CNTN4: variants seen among roughly 807,000 people sequenced by gnomAD.
The protein encoded by CNTN4 is contactin-4.
Under a neutral mutation model 122.5 loss-of-function variants are expected in CNTN4, and 77 were observed. That is an observed-to-expected ratio of 0.63 (90% CI 0.52 to 0.76). CNTN4 has a LOEUF of 0.76. CNTN4 is among the 30% of genes least tolerant of loss of function. The pLI is 0.00. For synonymous variants in CNTN4, 512 were observed against 447.0 expected, an observed-to-expected ratio of 1.15 and a Z score of -1.83; for missense variants, 1,256 against 1,259.1, an observed-to-expected ratio of 1.00 and a Z score of 0.04.
intron 2 of CNTN4, among the ~76,000 whole-genome samples, chr3:2,199,492 A>G (rs995584693): frequency 7.9e-5 from 12 of 152,110 alleles, no homozygotes; most frequent in Non-Finnish European, 1.5e-4. Flanking sequence ...GCAGTATAAT[A>G]GAATGAAACA....
chr3:2,442,981 T>G (rs533156091), intron 3 of CNTN4, among the ~76,000 whole-genome samples: 1 of 152,080 alleles, frequency 6.6e-6, no homozygotes, highest in African/African-American at 2.4e-5. Context: ...AGTAGCTTAT[T>G]TATGAAAAAT....
chr3:2,412,174 A>G (rs1355426477), intron 3 of CNTN4, among the ~76,000 whole-genome samples: 2 of 152,010 alleles, frequency 1.3e-5, no homozygotes, highest in African/African-American at 2.4e-5. Context: ...ATTGCTGTAT[A>G]TTATGTCATT....
intron 7 of CNTN4, among the ~76,000 whole-genome samples, chr3:2,830,429 A>G (rs2093079800): frequency 6.6e-6 from 1 of 152,236 alleles, no homozygotes; most frequent in Non-Finnish European, 1.5e-5. Context: ...CATAAGGCTA[A>G]ATGATCTACA....
chr3:2,112,732 A>G (rs1422977090), intron 2 of CNTN4, among the ~76,000 whole-genome samples: 1 of 152,224 alleles, frequency 6.6e-6, no homozygotes, highest in Non-Finnish European at 1.5e-5. Flanking sequence ...TTTCTAACAC[A>G]TACAATGAGA....
intron 2 of CNTN4, among the ~76,000 whole-genome samples, chr3:2,178,271 T>G (rs960891676): frequency 2.6e-5 from 4 of 152,076 alleles, no homozygotes; most frequent in Non-Finnish European, 5.9e-5. Flanking sequence ...ATACTTTTTT[T>G]TTTGTTTTCT....
chr3:2,274,022 A>C (rs1419560154), intron 2 of CNTN4, among the ~76,000 whole-genome samples: 1 of 152,188 alleles, frequency 6.6e-6, no homozygotes, highest in Non-Finnish European at 1.5e-5. Flanking sequence ...TTAGGGAGGT[A>C]GATACACTTT....
intron 13 of CNTN4, among the ~76,000 whole-genome samples, chr3:2,969,271 A>G (rs1692637680): frequency 6.6e-6 from 1 of 152,198 alleles, no homozygotes; most frequent in East Asian, 1.9e-4. Context: ...CCCCAGCAGA[A>G]AACATATACC....
chr3:2,819,538 T>A lies in CNTN4; in HGVS notation c.411T>A (p.Gly137=). The change falls in exon 7 of 25, where the codon GGT becomes GGA. Residue 137 remains glycine, a synonymous_variant. Transcript: ENST00000418658. ...GAAGCACTGTGTCTGTCCGTCGAGG[T>A]CAAGGAATGGTGCTACTGTGTGGCC... The part of the protein sequence containing the change: ...RTRSTVSVRR[G]QGMVLLCGPP... 6.2e-7 allele frequency: 1 copy of A among 1,614,136 alleles called. No homozygotes were observed. Among genetic ancestry groups the A allele is most frequent in the Non-Finnish European group, 8.5e-7 (1 of 1,179,984 alleles).
At chr3:2,836,439 A>T (rs2093227077) in intron 7 of CNTN4, among the ~76,000 whole-genome samples, 1 of 152,174 alleles carries the variant, frequency 6.6e-6, no homozygotes, top group African/African-American at 2.4e-5. Flanking sequence ...TAACGCTTAC[A>T]TAGTGGGTAA....
chr3:2,498,060 G>A (rs2076499639), intron 3 of CNTN4, among the ~76,000 whole-genome samples: 1 of 152,012 alleles, frequency 6.6e-6, no homozygotes, highest in African/African-American at 2.4e-5. Context: ...GTAAAAAGTT[G>A]TTTATATCAT....
chr3:2,336,873 CAAT>C (rs2043974432), intron 2 of CNTN4, among the ~76,000 whole-genome samples: 2 of 152,094 alleles, frequency 1.3e-5, no homozygotes, highest in South Asian at 4.1e-4. Flanking sequence ...GCTTCTTTAA[CAAT>C]AATTCCAACT....
intron 4 of CNTN4, among the ~76,000 whole-genome samples, chr3:2,731,394 G>T (rs1175492610): frequency 6.6e-6 from 1 of 152,112 alleles, no homozygotes; most frequent in Non-Finnish European, 1.5e-5. Flanking sequence ...ATAGAAGTTA[G>T]CCTAGTGACT....
chr3:2,774,813 C>T (rs1428257515), intron 6 of CNTN4, among the ~76,000 whole-genome samples: 1 of 152,174 alleles, frequency 6.6e-6, no homozygotes, highest in Non-Finnish European at 1.5e-5. Flanking sequence ...TTATTTAATA[C>T]TGTTTTCTTA....
intron 2 of CNTN4, among the ~76,000 whole-genome samples, chr3:2,146,966 T>C (rs1016828391): frequency 6.6e-6 from 1 of 152,152 alleles, no homozygotes; most frequent in Non-Finnish European, 1.5e-5. Context: ...TTGCAACCTC[T>C]GCCTCCTGGG....
intron 6 of CNTN4, among the ~76,000 whole-genome samples, chr3:2,781,909 G>T (rs1450865592): frequency 9.5e-6 from 1 of 104,726 alleles, no homozygotes; most frequent in Non-Finnish European, 2.1e-5. Context: ...ATTTTTAGTA[G>T]AGACGGGGCT....
chr3:2,137,558 GC>G (rs1181579033), intron 2 of CNTN4, among the ~76,000 whole-genome samples: 4 of 152,166 alleles, frequency 2.6e-5, no homozygotes, highest in African/African-American at 9.7e-5. Flanking sequence ...CGATTCACTT[GC>G]TTAAGTTATA....
chr3:2,269,097 C>T (rs563845250), intron 2 of CNTN4, among the ~76,000 whole-genome samples: 1 of 152,204 alleles, frequency 6.6e-6, no homozygotes, highest in African/African-American at 2.4e-5. Flanking sequence ...AATAAATCCA[C>T]ACTGAATTTC....
chr3:2,670,451 T>A (rs2084438114), intron 4 of CNTN4, among the ~76,000 whole-genome samples: 2 of 152,186 alleles, frequency 1.3e-5, no homozygotes, highest in African/African-American at 4.8e-5. Context: ...GCTTGGTAGA[T>A]CTTCCTCCAT....
At chr3:2,238,199 A>G (rs1344585317) in intron 2 of CNTN4, among the ~76,000 whole-genome samples, 3 of 152,152 alleles carry the variant, frequency 2.0e-5, no homozygotes, top group Non-Finnish European at 4.4e-5. Context: ...GTAAATAATT[A>G]TATGGTGAAG....
Sources: gnomAD v4.1 joint callset for allele counts (sites outside exome capture counted in the v4.1 genomes callset) on GRCh38, gnomAD v4.1.1 for gene constraint, MANE v1.5 for transcripts, NCBI Gene and HGNC (gene_info 2026-07-23, HGNC 2026-07-21) for gene names.